Variants in CACNA2D1 observed in about 807,000 individuals in gnomAD.
CACNA2D1 encodes the protein calcium voltage-gated channel auxiliary subunit alpha2delta 1, also known as voltage-dependent calcium channel subunit alpha-2/delta-1.
A neutral mutation model predicts 171.5 loss-of-function variants in CACNA2D1; 53 were observed. That is an observed-to-expected ratio of 0.31 (90% CI 0.25 to 0.39). CACNA2D1 has a LOEUF of 0.39. Among genes scored for constraint, CACNA2D1 ranks in the 10% least tolerant of loss-of-function variants. CACNA2D1 has a pLI of 1.00. For synonymous variants in CACNA2D1, 442 were observed against 443.1 expected, an observed-to-expected ratio of 1.00 and a Z score of 0.03; for missense variants, 903 against 1,299.8, an observed-to-expected ratio of 0.69 and a Z score of 4.69.
chr7:82,202,628 C>A (rs1218089178), intron 3 of CACNA2D1, among the ~76,000 whole-genome samples: 1 of 151,398 alleles, frequency 6.6e-6, no homozygotes, highest in Non-Finnish European at 1.5e-5. Flanking sequence ...ACACACTCAG[C>A]CCCTGAGGGA....
intron 1 of CACNA2D1, among the ~76,000 whole-genome samples, chr7:82,352,993 AGAT>A (rs1240004099): frequency 6.6e-6 from 1 of 152,148 alleles, no homozygotes; most frequent in African/African-American, 2.4e-5. Context: ...AATAACGGAG[AGAT>A]ATTAGAAAAT....
chr7:82,140,261 G>A (rs1287542340), intron 4 of CACNA2D1, among the ~76,000 whole-genome samples: 1 of 152,134 alleles, frequency 6.6e-6, no homozygotes, highest in Non-Finnish European at 1.5e-5. Flanking sequence ...AGAGAACGTA[G>A]ACCTTAGTGG....
At chr7:82,282,767 G>T (rs1030768511) in intron 3 of CACNA2D1, among the ~76,000 whole-genome samples, 9 of 151,550 alleles carry the variant, frequency 5.9e-5, no homozygotes, top group Non-Finnish European at 1.3e-4. Flanking sequence ...TGATTCCTAA[G>T]TAAGAAGACA....
At chr7:82,140,353 G>A (rs558568388) in intron 4 of CACNA2D1, among the ~76,000 whole-genome samples, 2 of 152,210 alleles carry the variant, frequency 1.3e-5, no homozygotes, top group African/African-American at 2.4e-5. Context: ...TGGCTTAGGA[G>A]CATTTTTACA....
At chr7:82,415,000 T>G (rs567954799) in intron 1 of CACNA2D1, among the ~76,000 whole-genome samples, 1 of 152,332 alleles carries the variant, frequency 6.6e-6, no homozygotes, top group Non-Finnish European at 1.5e-5. Context: ...AAAACAACTT[T>G]CTAAATTAGC....
chr7:81,983,404 A>C (rs1442862769), intron 22 of CACNA2D1, 70 bp from the exon 23 acceptor site: 1 of 1,130,700 alleles, frequency 8.8e-7, no homozygotes, highest in African/African-American at 1.5e-5. Context: ...AGGGGGTCAT[A>C]AACAATATTT....
At chr7:82,398,031 G>A (rs879879643) in intron 1 of CACNA2D1, among the ~76,000 whole-genome samples, 1 of 152,230 alleles carries the variant, frequency 6.6e-6, no homozygotes, top group Non-Finnish European at 1.5e-5. Flanking sequence ...GAGTGGCTAA[G>A]AATGAGGCTT....
chr7:82,247,074 G>A (rs1167807511), intron 3 of CACNA2D1, among the ~76,000 whole-genome samples: 1 of 152,130 alleles, frequency 6.6e-6, no homozygotes, highest in Non-Finnish European at 1.5e-5. Context: ...ACTTTTCTAG[G>A]TCTTTTGGGG....
chr7:82,275,232 G>C (rs923869219), intron 3 of CACNA2D1, among the ~76,000 whole-genome samples: 1 of 152,036 alleles, frequency 6.6e-6, no homozygotes, highest in Admixed American at 6.6e-5. Context: ...CAAGATCCTT[G>C]CCTCTGTCAT....
chr7:82,306,035 C>A (rs1158378693), intron 3 of CACNA2D1, among the ~76,000 whole-genome samples: 1 of 152,148 alleles, frequency 6.6e-6, no homozygotes, highest in Non-Finnish European at 1.5e-5. Flanking sequence ...ACAGACTAGT[C>A]TTAGGTTCAG....
chr7:82,418,841 G>A (rs1828434334), intron 1 of CACNA2D1, among the ~76,000 whole-genome samples: 1 of 152,172 alleles, frequency 6.6e-6, no homozygotes, highest in Non-Finnish European at 1.5e-5. Flanking sequence ...ACATTAGGCT[G>A]GGCACGGTGG....
rs151286653 is a variant in CACNA2D1, at chr7:82,143,358, T to C, written c.355-6682A>G. Reference sequence around the variant, plus strand: ...ATGGCACACAATATATGCCCCGTAATTGTTAACTACTTTTTATATATGAAA... The same window carrying C: ...ATGGCACACAATATATGCCCCGTAACTGTTAACTACTTTTTATATATGAAA... On this transcript the variant is annotated intron_variant, in intron 4 of 38. Coordinates refer to ENST00000356860, the MANE Select transcript of CACNA2D1 (RefSeq NM_000722.4). Among the ~76,000 whole-genome samples the C allele has an allele frequency of 3.3e-5, 5 of 152,252 alleles. No individual in the cohort carries two copies. In the East Asian group the frequency reaches 7.7e-4, roughly 23 times the overall value.
chr7:82,417,643 C>T (rs941363738), intron 1 of CACNA2D1, among the ~76,000 whole-genome samples: 3 of 152,202 alleles, frequency 2.0e-5, no homozygotes, highest in Admixed American at 6.5e-5. Flanking sequence ...TGGTTTTCAA[C>T]CCAGGGTGAT....
intron 1 of CACNA2D1, among the ~76,000 whole-genome samples, chr7:82,377,769 T>C (rs1201351476): frequency 6.6e-6 from 1 of 152,204 alleles, no homozygotes; most frequent in Non-Finnish European, 1.5e-5. Context: ...AGAATTTGCA[T>C]AGAGAGGAAA....
rs1340807855 is a variant in CACNA2D1 at position 82,341,609 on chromosome 7, A to G, written c.178-6358T>C. On this transcript the variant is annotated intron_variant, in intron 2 of 38. Transcript: ENST00000356860. ...CTTTTAAAATGTCTTACTCTTTAGCATATTGTCGATTGTGTTTAGGGCTGC... is the reference window on the plus strand; with the variant it reads ...CTTTTAAAATGTCTTACTCTTTAGCGTATTGTCGATTGTGTTTAGGGCTGC... 2.6e-5 allele frequency among the ~76,000 whole-genome samples: 4 copies of G among 152,200 alleles called. No individual in the cohort carries two copies. The East Asian group carries it at 7.7e-4, about 29-fold the overall frequency.
chr7:81,997,100 C>T (rs1798123382), intron 19 of CACNA2D1, 79 bp downstream of exon 19: 8 of 824,018 alleles, frequency 9.7e-6, no homozygotes, highest in Non-Finnish European at 1.5e-5. Context: ...ACATTGTAGC[C>T]GTTCAACAGA....
chr7:82,248,576 G>A (rs573347501), intron 3 of CACNA2D1, among the ~76,000 whole-genome samples: 47 of 152,296 alleles, frequency 3.1e-4, no homozygotes, highest in African/African-American at 9.4e-4. Flanking sequence ...TCAGACAACT[G>A]AAAGTAACCT....
intron 3 of CACNA2D1, among the ~76,000 whole-genome samples, chr7:82,205,364 CT>C (rs1799910704): frequency 6.6e-6 from 1 of 152,038 alleles, no homozygotes. Flanking sequence ...GAATCTTTTG[CT>C]CATTAAGTCT....
At chr7:81,969,270 TTAAG>T (rs1472813367) in intron 28 of CACNA2D1, among the ~76,000 whole-genome samples, 2 of 151,386 alleles carry the variant, frequency 1.3e-5, no homozygotes, top group African/African-American at 4.8e-5. Context: ...TGTTAAAATA[TTAAG>T]TAGTTCTGCT....
Sources: allele counts gnomAD v4.1 joint callset (sites outside exome capture counted in the v4.1 genomes callset), GRCh38; gene constraint gnomAD v4.1.1; transcripts MANE v1.5; gene names NCBI Gene and HGNC (gene_info 2026-07-23, HGNC 2026-07-21).